STAG1: variants seen among roughly 807,000 people sequenced by gnomAD.
STAG1 encodes the protein STAG1 cohesin complex component.
A neutral mutation model predicts 170.9 loss-of-function variants in STAG1; 26 were observed. That is an observed-to-expected ratio of 0.15 (90% CI 0.11 to 0.21). The LOEUF is 0.21. STAG1 is among the 10% of genes least tolerant of loss of function. The pLI is 1.00. For synonymous variants in STAG1, 514 were observed against 497.7 expected (o/e 1.03, Z -0.44); for missense variants, 964 against 1,509.5 (o/e 0.64, Z 5.99).
intron 23 of STAG1, among the ~76,000 whole-genome samples, chr3:136,372,399 G>A (rs2108299170): frequency 6.6e-6 from 1 of 152,298 alleles, no homozygotes; most frequent in Admixed American, 6.5e-5. Flanking sequence ...AATAGGAGTG[G>A]TGAGAGAGGG....
chr3:136,711,204 G>A (rs1423869590), intron 1 of STAG1, among the ~76,000 whole-genome samples: 3 of 152,064 alleles, frequency 2.0e-5, no homozygotes, highest in Admixed American at 2.0e-4. Flanking sequence ...TAAGGCAACA[G>A]TATAATCCCA....
At chr3:136,526,223 G>A (rs1359845400) in intron 6 of STAG1, among the ~76,000 whole-genome samples, 1 of 152,106 alleles carries the variant, frequency 6.6e-6, no homozygotes, top group Non-Finnish European at 1.5e-5. Flanking sequence ...ATTATTGTGT[G>A]GGAGTCTAAA....
intron 7 of STAG1, among the ~76,000 whole-genome samples, chr3:136,519,016 A>C (rs1412918098): frequency 6.6e-6 from 1 of 152,092 alleles, no homozygotes; most frequent in Non-Finnish European, 1.5e-5. Context: ...GTATAGAGAA[A>C]ACAATACAAT....
At chr3:136,497,084 T>C (rs550919546) in intron 9 of STAG1, among the ~76,000 whole-genome samples, 1 of 151,948 alleles carries the variant, frequency 6.6e-6, no homozygotes. Flanking sequence ...CAGCCCTATA[T>C]CTACTGGAGA....
chr3:136,694,811 GT>G lies in STAG1; in HGVS notation c.-84+57383del, dbSNP rs577773322. ...AAACGGCCTAATAATAAAGGGAAAA[GT>G]TTTTGTAAGTAGAGGCTGGGAAGCA... On this transcript the variant is annotated intron_variant, in intron 1 of 33. Coordinates refer to ENST00000383202, the MANE Select transcript of STAG1 (RefSeq NM_005862.3). 3.7e-3 allele frequency among the ~76,000 whole-genome samples: 562 copies of G among 152,248 alleles called. 2 individuals carry two copies. The highest frequency in any genetic ancestry group is 6.5e-3 in the Admixed American group (99 of 15,294).
At chr3:136,427,384 T>C (rs1312690999) in intron 16 of STAG1, among the ~76,000 whole-genome samples, 1 of 152,200 alleles carries the variant, frequency 6.6e-6, no homozygotes, top group Non-Finnish European at 1.5e-5. Context: ...ACACTAATCA[T>C]CTTTGCATGA....
At chr3:136,550,104 T>G (rs1936322815) in intron 5 of STAG1, among the ~76,000 whole-genome samples, 1 of 152,166 alleles carries the variant, frequency 6.6e-6, no homozygotes, top group South Asian at 2.1e-4. Context: ...CTTTTTTTTG[T>G]GATGTCTTTT....
At chr3:136,552,818 T>C (rs1936464063) in intron 5 of STAG1, among the ~76,000 whole-genome samples, 1 of 152,300 alleles carries the variant, frequency 6.6e-6, no homozygotes, top group African/African-American at 2.4e-5. Flanking sequence ...AAACTCTCTA[T>C]TCAATTACAA....
intron 2 of STAG1, among the ~76,000 whole-genome samples, chr3:136,627,591 A>C (rs1940162682): frequency 6.6e-6 from 1 of 152,228 alleles, no homozygotes; most frequent in Non-Finnish European, 1.5e-5. Flanking sequence ...AACAGGGCTG[A>C]AATGACTGTT....
At chr3:136,428,719 T>A (rs1559795713) in intron 16 of STAG1, among the ~76,000 whole-genome samples, 1 of 152,212 alleles carries the variant, frequency 6.6e-6, no homozygotes, top group Non-Finnish European at 1.5e-5. Context: ...CCAGATGTTA[T>A]GTACGATTTC....
At position 136,727,827 on chromosome 3, in the gene STAG1, T is replaced by C. The variant is rs111324712; in HGVS notation, c.-84+24368A>G. Among the ~76,000 whole-genome samples, 842 of 152,226 alleles carry C rather than the reference T, an allele frequency of 5.5e-3. 7 individuals are homozygous for C. The highest frequency in any genetic ancestry group is 7.9e-3 in the Non-Finnish European group (535 of 68,014). On this transcript the variant is annotated intron_variant, in intron 1 of 33. Transcript: ENST00000383202. ...ACTTTAACCTTTGGGAGGAAAAACA[T>C]CTAGATTATTAACAATATCGGTGTT...
chr3:136,678,949 A>C (rs2107884436), intron 1 of STAG1, among the ~76,000 whole-genome samples: 1 of 149,812 alleles, frequency 6.7e-6, no homozygotes, highest in African/African-American at 2.4e-5. Context: ...GGCAGTGGGG[A>C]GAGCAGGGCA....
intron 4 of STAG1, among the ~76,000 whole-genome samples, chr3:136,582,057 G>T (rs183055767): frequency 6.2e-4 from 95 of 152,172 alleles, no homozygotes; most frequent in African/African-American, 2.2e-3. Context: ...CATCTAAAAG[G>T]AAATAATTTG....
intron 5 of STAG1, among the ~76,000 whole-genome samples, chr3:136,559,624 A>T (rs1273836835): frequency 6.6e-6 from 1 of 152,204 alleles, no homozygotes; most frequent in Non-Finnish European, 1.5e-5. Context: ...CTCACACAAA[A>T]TGATATGGGT....
chr3:136,714,993 T>TTATATATATAATATATATATAAAA (rs1943496660), intron 1 of STAG1, among the ~76,000 whole-genome samples: 3 of 110,784 alleles, frequency 2.7e-5, no homozygotes, highest in South Asian at 5.2e-4. Flanking sequence ...TATATATATT[T>TTATATATATAATATATATATAAAA]TATATATATA....
At chr3:136,461,442 T>C (rs980369307) in intron 13 of STAG1, among the ~76,000 whole-genome samples, 7 of 152,218 alleles carry the variant, frequency 4.6e-5, no homozygotes, top group South Asian at 2.1e-4. Context: ...GCCCAAAAAA[T>C]TGTTGTGAGA....
In STAG1 at chr3:136,443,419, T is replaced by A; in HGVS notation, c.1429-15A>T. ...TGTTCATGTAACTAAAAAGAAAAAA[T>A]CAAGTGTGACCAAAGAATATTTAAT... is the stretch of plus-strand genomic sequence containing the variant. On this transcript the variant is annotated splice_polypyrimidine_tract_variant and intron_variant, in intron 14 of 33. Coordinates refer to ENST00000383202, the MANE Select transcript of STAG1 (RefSeq NM_005862.3). The A allele has an allele frequency of 1.3e-6, 2 of 1,547,056 alleles. No individual in the cohort carries two copies. The highest frequency in any genetic ancestry group is 1.8e-6 in the Non-Finnish European group (2 of 1,126,586).
At chr3:136,609,325 G>A (rs572091716) in intron 3 of STAG1, 2 of 149,942 alleles carry the variant, frequency 1.3e-5, no homozygotes, top group South Asian at 4.2e-4. Flanking sequence ...ACAAAAATTA[G>A]CTTTCATATA....
chr3:136,698,892 A>T (rs1181233645), intron 1 of STAG1, among the ~76,000 whole-genome samples: 1 of 152,268 alleles, frequency 6.6e-6, no homozygotes, highest in Non-Finnish European at 1.5e-5. Context: ...ACAAAAAGGA[A>T]TGAAATAATG....
Sources: allele counts gnomAD v4.1 joint callset (sites outside exome capture counted in the v4.1 genomes callset), GRCh38; gene constraint gnomAD v4.1.1; transcripts MANE v1.5; gene names NCBI Gene and HGNC (gene_info 2026-07-23, HGNC 2026-07-21).